TANK: variants seen among roughly 807,000 people sequenced by gnomAD.
TANK encodes the protein TRAF family member associated NFKB activator, also known as TRAF family member-associated NF-kappa-B activator.
Under a neutral mutation model 43.6 loss-of-function variants are expected in TANK, and 15 were observed. The ratio of observed to expected loss-of-function variants is 0.34; its 90% CI spans 0.23 to 0.53. The LOEUF (loss-of-function observed/expected upper bound fraction) is 0.53. Among genes scored for constraint, TANK ranks in the 20% least tolerant of loss-of-function variants. The pLI, the probability that TANK is intolerant of heterozygous loss-of-function variation, is 0.94. For missense variants in TANK, 417 were observed against 498.6 expected, an observed-to-expected ratio of 0.84 and a Z score of 1.56; for synonymous variants, 162 against 178.2, an observed-to-expected ratio of 0.91 and a Z score of 0.73.
At chr2:161,171,948 G>A (rs1447653769) in intron 1 of TANK, among the ~76,000 whole-genome samples, 1 of 151,974 alleles carries the variant, frequency 6.6e-6, no homozygotes, top group Admixed American at 6.6e-5. Flanking sequence ...GATACAAACT[G>A]TACCACTCTT....
In TANK at chr2:161,203,594, A is replaced by G. The variant is rs960338543; in HGVS notation, c.207A>G (p.Gln69=). Reference sequence around the variant, plus strand: ...AGTTACTTCTTGTGAATTCCACTCAAGGTATGTTCATGTTAATTTTTTATG... The same window carrying G: ...AGTTACTTCTTGTGAATTCCACTCAGGGTATGTTCATGTTAATTTTTTATG... ...KSQLLLVNST[Q]DNNYGCVPLL... is the part of the protein sequence containing the mutation. Residue 69 remains glutamine (Q), a splice_region_variant and synonymous_variant, in exon 3 of 8, where the codon CAA becomes CAG. Transcript: ENST00000392749. The G allele has an allele frequency of 3.8e-6, 6 of 1,589,736 alleles. No individual in the cohort carries two copies. Among genetic ancestry groups the G allele is most frequent in the Non-Finnish European group, 5.2e-6 (6 of 1,163,218 alleles).
chr2:161,194,404 G>T (rs1169518880), intron 2 of TANK, among the ~76,000 whole-genome samples: 4 of 152,028 alleles, frequency 2.6e-5, no homozygotes, highest in Admixed American at 2.6e-4. Flanking sequence ...TTATTCAGAT[G>T]CTATGATGTA....
chr2:161,212,973 A>G (rs1270948222), intron 4 of TANK, among the ~76,000 whole-genome samples: 2 of 152,242 alleles, frequency 1.3e-5, no homozygotes, highest in African/African-American at 4.8e-5. Context: ...GCTTCCACTC[A>G]TGGCCGAAGG....
intron 4 of TANK, among the ~76,000 whole-genome samples, chr2:161,209,807 C>T (rs1235948599): frequency 6.6e-6 from 1 of 152,172 alleles, no homozygotes; most frequent in Non-Finnish European, 1.5e-5. Context: ...CTGCCAACCA[C>T]TGGAGAGCAA....
intron 6 of TANK, among the ~76,000 whole-genome samples, chr2:161,225,351 C>T (rs1318113882): frequency 6.6e-6 from 1 of 152,034 alleles, no homozygotes; most frequent in African/African-American, 2.4e-5. Context: ...TCTTTGAACT[C>T]ATTTGGTTCA....
At chr2:161,219,631 A>C in intron 4 of TANK, 2 of 363,378 alleles carry the variant, frequency 5.5e-6, no homozygotes, top group South Asian at 4.6e-5. Flanking sequence ...GTTTATTCTT[A>C]TCAAATATCT....
At chr2:161,213,926 A>G (rs1008795750) in intron 4 of TANK, among the ~76,000 whole-genome samples, 3 of 152,180 alleles carry the variant, frequency 2.0e-5, no homozygotes, top group Non-Finnish European at 2.9e-5. Flanking sequence ...TACTTTGAGT[A>G]TGTCTTTTAC....
At chr2:161,232,943 G>T in intron 7 of TANK, 1 of 1,292,152 alleles carries the variant, frequency 7.7e-7, no homozygotes, top group Non-Finnish European at 1.0e-6. Context: ...AAATTAGTTT[G>T]TTTTGAAGAC....
At chr2:161,148,335 A>G (rs1182949424) in intron 1 of TANK, among the ~76,000 whole-genome samples, 1 of 133,016 alleles carries the variant, frequency 7.5e-6, no homozygotes, top group Non-Finnish European at 1.7e-5. Context: ...TCTTTAGATA[A>G]ATGTCTATTC....
chr2:161,211,320 A>G (rs1356494596), intron 4 of TANK, among the ~76,000 whole-genome samples: 1 of 152,184 alleles, frequency 6.6e-6, no homozygotes, highest in African/African-American at 2.4e-5. Flanking sequence ...CTTCAAGTGC[A>G]GTGCCCACTT....
chr2:161,230,828 T>C, intron 6 of TANK, 143 bp from the exon 7 acceptor site: 1 of 669,898 alleles, frequency 1.5e-6, no homozygotes, highest in Non-Finnish European at 2.5e-6. Context: ...TGTAAGATGG[T>C]AGCAAATTTT....
At chr2:161,213,144 A>G (rs1472756684) in intron 4 of TANK, among the ~76,000 whole-genome samples, 6 of 152,140 alleles carry the variant, frequency 3.9e-5, no homozygotes, top group Admixed American at 3.9e-4. Context: ...GGATTTCTCT[A>G]TTCATGAGGG....
chr2:161,201,654 T>C (rs1686418424), intron 2 of TANK, among the ~76,000 whole-genome samples: 1 of 152,206 alleles, frequency 6.6e-6, no homozygotes, highest in Admixed American at 6.5e-5. Context: ...GACTGTAACT[T>C]GTTTGCTGAT....
At chr2:161,203,249 C>T (rs992825431) in intron 2 of TANK, among the ~76,000 whole-genome samples, 4 of 152,008 alleles carry the variant, frequency 2.6e-5, no homozygotes, top group Non-Finnish European at 5.9e-5. Flanking sequence ...GAATCCTTGA[C>T]TGAAATGTCT....
chr2:161,195,076 G>A (rs1291112662), intron 2 of TANK, among the ~76,000 whole-genome samples: 1 of 152,114 alleles, frequency 6.6e-6, no homozygotes, highest in South Asian at 2.1e-4. Flanking sequence ...TTCTTCCAAG[G>A]TTTTACTTCC....
At chr2:161,214,561 C>T (rs551376743) in intron 4 of TANK, among the ~76,000 whole-genome samples, 15 of 150,170 alleles carry the variant, frequency 1.0e-4, no homozygotes, top group African/African-American at 3.7e-4. Flanking sequence ...ACAGTGACAA[C>T]AGTTTGATAT....
At chr2:161,230,187 T>A (rs1687838530) in intron 6 of TANK, among the ~76,000 whole-genome samples, 1 of 152,194 alleles carries the variant, frequency 6.6e-6, no homozygotes, top group South Asian at 2.1e-4. Flanking sequence ...TTCATCTATC[T>A]ATGAACCTTG....
chr2:161,170,635 T>A (rs1378699010), intron 1 of TANK, among the ~76,000 whole-genome samples: 1 of 152,184 alleles, frequency 6.6e-6, no homozygotes, highest in Admixed American at 6.5e-5. Context: ...CAAAATTAGA[T>A]CCAGGAGTCT....
At chr2:161,228,955 G>T (rs1241723813) in intron 6 of TANK, among the ~76,000 whole-genome samples, 1 of 152,184 alleles carries the variant, frequency 6.6e-6, no homozygotes, top group Non-Finnish European at 1.5e-5. Flanking sequence ...CTAGCTTTCT[G>T]TAAGTACACT....
Sources: gnomAD v4.1 joint callset for allele counts (sites outside exome capture counted in the v4.1 genomes callset) on GRCh38, gnomAD v4.1.1 for gene constraint, MANE v1.5 for transcripts, NCBI Gene and HGNC (gene_info 2026-07-23, HGNC 2026-07-21) for gene names.